The following AHCYL2 variants were observed in gnomAD, a reference collection of about 807,000 sequenced individuals.
AHCYL2 encodes the protein S-adenosylhomocysteine hydrolase-like protein 2.
AHCYL2 carries 28 observed loss-of-function variants against 81.4 expected under a neutral mutation model. That is an observed-to-expected ratio of 0.34 (90% confidence interval 0.25 to 0.47). The LOEUF is 0.47. Among genes scored for constraint, AHCYL2 ranks in the 20% least tolerant of loss-of-function variants. The pLI is 1.00. For synonymous variants in AHCYL2, 272 were observed against 290.2 expected (o/e 0.94, Z 0.64); for missense variants, 551 against 785.1 (o/e 0.70, Z 3.56).
At chr7:129,379,823 C>A in intron 2 of AHCYL2, 74 bp downstream of exon 2, 3 of 1,169,644 alleles carry the variant, frequency 2.6e-6, no homozygotes, top group Non-Finnish European at 3.7e-6. Context: ...CCTGTCTATC[C>A]AAGGCTAATT....
chr7:129,274,295 A>T (rs546006281), intron 1 of AHCYL2, among the ~76,000 whole-genome samples: 1 of 152,332 alleles, frequency 6.6e-6, no homozygotes, highest in African/African-American at 2.4e-5. Flanking sequence ...GAGGAACTAT[A>T]CTGCAGTAGC....
chr7:129,399,891 T>C (rs191930276), intron 5 of AHCYL2, among the ~76,000 whole-genome samples: 12 of 152,144 alleles, frequency 7.9e-5, no homozygotes, highest in South Asian at 2.1e-4. Flanking sequence ...CACGCCCAAC[T>C]AATTTTTGTA....
rs1284022606 is a variant in AHCYL2, at chr7:129,426,837, A to T, written c.1830-202A>T. ...CTTCCTCAATTCCTTTCCCCATTTCATCTTGTTGCTATGATTTTTATCTCT... is the reference window on the plus strand; with the variant it reads ...CTTCCTCAATTCCTTTCCCCATTTCTTCTTGTTGCTATGATTTTTATCTCT... On this transcript the variant is annotated intron_variant, in intron 16 of 16. Transcript: ENST00000325006. The surrounding 1 kb of genome is among the most constrained non-coding windows in gnomAD (Gnocchi z 4.3). 2.0e-5 allele frequency among the ~76,000 whole-genome samples: 3 copies of T among 151,412 alleles called. No homozygotes were observed. Among genetic ancestry groups the T allele is most frequent in the Non-Finnish European group, 4.4e-5 (3 of 67,896 alleles).
intron 1 of AHCYL2, among the ~76,000 whole-genome samples, chr7:129,263,139 G>A (rs1584718806): frequency 6.6e-6 from 1 of 152,104 alleles, no homozygotes; most frequent in East Asian, 1.9e-4. Flanking sequence ...GTTATGTTGT[G>A]GTTACAAACA....
intron 1 of AHCYL2, among the ~76,000 whole-genome samples, chr7:129,317,556 C>T (rs1797865992): frequency 6.6e-6 from 1 of 152,134 alleles, no homozygotes; most frequent in Non-Finnish European, 1.5e-5. Context: ...ATGTAGAGTC[C>T]CCAGGCAAAA....
At chr7:129,334,412 C>T (rs769388694) in intron 1 of AHCYL2, among the ~76,000 whole-genome samples, 1 of 152,166 alleles carries the variant, frequency 6.6e-6, no homozygotes, top group Non-Finnish European at 1.5e-5. Flanking sequence ...CTATCTAATA[C>T]ACCAGCCTTC....
chr7:129,377,425 T>A (rs1422337121), intron 1 of AHCYL2: 1 of 388,842 alleles, frequency 2.6e-6, no homozygotes, highest in African/African-American at 2.1e-5. Flanking sequence ...CTTTATTTGT[T>A]GTTATAGCTA....
intron 2 of AHCYL2, among the ~76,000 whole-genome samples, chr7:129,383,339 A>T (rs977255784): frequency 4.6e-5 from 7 of 151,728 alleles, no homozygotes; most frequent in East Asian, 3.9e-4. Flanking sequence ...CTAATTTTTT[A>T]AAATTTTTTT....
intron 1 of AHCYL2, among the ~76,000 whole-genome samples, chr7:129,307,935 G>A (rs751597849): frequency 6.6e-6 from 1 of 151,804 alleles, no homozygotes; most frequent in East Asian, 1.9e-4. Flanking sequence ...CTTTCCTACT[G>A]TGGCTGAACT....
intron 1 of AHCYL2, among the ~76,000 whole-genome samples, chr7:129,379,095 A>G (rs1794827297): frequency 6.6e-6 from 1 of 152,116 alleles, no homozygotes; most frequent in African/African-American, 2.4e-5. Context: ...AGCCTGGCCA[A>G]CATGGTGAAA....
chr7:129,411,758 TC>T (rs1246638222), intron 11 of AHCYL2, among the ~76,000 whole-genome samples: 1 of 100,108 alleles, frequency 1.0e-5, no homozygotes, highest in Admixed American at 1.2e-4. Context: ...AAACTCCTTC[TC>T]AAAAAAAAAA....
At chr7:129,400,451 C>T in intron 6 of AHCYL2, 67 bp downstream of exon 6, 1 of 1,436,836 alleles carries the variant, frequency 7.0e-7, no homozygotes, top group South Asian at 1.3e-5. Flanking sequence ...AGGTTATGGC[C>T]TAGGAGAGGG....
intron 1 of AHCYL2, among the ~76,000 whole-genome samples, chr7:129,237,145 T>G (rs1209921718): frequency 6.6e-6 from 1 of 152,178 alleles, no homozygotes; most frequent in Non-Finnish European, 1.5e-5. Context: ...CCTTTTTGGC[T>G]TCAACATTTT....
rs1330799491 is a variant in AHCYL2, at chr7:129,226,832, AAG to A, written c.363+1398_363+1399del. 9.2e-5 allele frequency among the ~76,000 whole-genome samples: 14 copies of A among 152,364 alleles called. No individual in the cohort carries two copies. The South Asian group carries it at 2.5e-3, about 27-fold the overall frequency. ...TTTAAAGAAAAAAAGTAAAGTAAAA[AAG>A]AGAGGCAGCAGCAGCACCAGTGCTG... On this transcript the variant is annotated intron_variant, in intron 1 of 16. Coordinates refer to ENST00000325006, the MANE Select transcript of AHCYL2 (RefSeq NM_015328.4).
Position 129,427,179 on chromosome 7 carries a change from A to T in AHCYL2, c.*134A>T, listed in dbSNP as rs1797401942. The T allele has an allele frequency of 3.3e-6, 3 of 898,284 alleles. No individual in the cohort carries two copies. Among genetic ancestry groups the T allele is most frequent in the Non-Finnish European group, 3.4e-6 (2 of 587,474 alleles). The allele number at this position is 898,284 out of a possible 1,614,324, so 55.6% of individuals were successfully genotyped here. On this transcript the variant is annotated 3_prime_UTR_variant, in exon 17 of 17. Transcript: ENST00000325006. The surrounding 1 kb of genome is among the most constrained non-coding windows in gnomAD (Gnocchi z 5.5). ...CCGTGCTCACCCTGTGTGTTAGGTT[A>T]TTTATTTATTAAAATCAAGAATCCT...
At chr7:129,269,452 A>AT (rs988663022) in intron 1 of AHCYL2, among the ~76,000 whole-genome samples, 28 of 150,074 alleles carry the variant, frequency 1.9e-4, no homozygotes, top group African/African-American at 3.9e-4. Flanking sequence ...TGCCTGGCTA[A>AT]TTTTTTTTTT....
intron 6 of AHCYL2, 95 bp from the exon 7 acceptor site, chr7:129,403,284 A>G: frequency 1.4e-6 from 1 of 716,250 alleles, no homozygotes; most frequent in Non-Finnish European, 2.2e-6. Context: ...AATATCTGTA[A>G]ATTGCTAATT....
intron 6 of AHCYL2, among the ~76,000 whole-genome samples, chr7:129,403,174 C>T (rs1796116548): frequency 6.6e-6 from 1 of 152,126 alleles, no homozygotes; most frequent in Non-Finnish European, 1.5e-5. Flanking sequence ...ATTGGCCTTT[C>T]TCCTCTCATT....
At chr7:129,380,144 G>T (rs1378350242) in intron 2 of AHCYL2, among the ~76,000 whole-genome samples, 1 of 152,014 alleles carries the variant, frequency 6.6e-6, no homozygotes, top group Non-Finnish European at 1.5e-5. Flanking sequence ...AATTAACAGG[G>T]AAACCTCAAT....
Sources: gnomAD v4.1 joint callset for allele counts (sites outside exome capture counted in the v4.1 genomes callset) on GRCh38, gnomAD v4.1.1 for gene constraint, Gnocchi (gnomAD v3.1) non-coding constraint, MANE v1.5 for transcripts, NCBI Gene and HGNC (gene_info 2026-07-23, HGNC 2026-07-21) for gene names.